Variants in KCTD1 observed in about 807,000 individuals in gnomAD.
KCTD1 encodes potassium channel tetramerization domain containing 1.
KCTD1 carries 24 observed loss-of-function variants against 66.0 expected under a neutral mutation model. The ratio of observed to expected loss-of-function variants is 0.36; its 90% CI spans 0.26 to 0.51. The LOEUF (loss-of-function observed/expected upper bound fraction) is 0.51. Ranked by LOEUF, KCTD1 falls within the 20% of genes least tolerant of loss-of-function variation. The probability of loss-of-function intolerance (pLI) is 0.95; values close to 1 mark genes in which losing one functional copy is unlikely to be tolerated. For missense variants in KCTD1, 943 were observed against 1,205.2 expected (o/e 0.78, Z 3.22); for synonymous variants, 511 against 517.2 (o/e 0.99, Z 0.16).
At chr18:26,557,710 C>T (rs565815820) in intron 1 of KCTD1, among the ~76,000 whole-genome samples, 3 of 151,734 alleles carry the variant, frequency 2.0e-5, no homozygotes, top group Admixed American at 2.0e-4. Context: ...CTCTAGCAAT[C>T]ATTCTGGGGC....
intron 2 of KCTD1, among the ~76,000 whole-genome samples, chr18:26,488,944 C>T (rs1982053084): frequency 6.6e-6 from 1 of 152,184 alleles, no homozygotes; most frequent in African/African-American, 2.4e-5. Flanking sequence ...AAAACATTTT[C>T]ATTTGCAAAT....
intron 1 of KCTD1, among the ~76,000 whole-genome samples, chr18:26,571,603 G>A (rs1567997270): frequency 6.6e-6 from 1 of 151,116 alleles, no homozygotes. Context: ...TTGTTTTTGT[G>A]TTATTTTAAT....
At chr18:26,486,503 C>T (rs11875684) in intron 2 of KCTD1, among the ~76,000 whole-genome samples, 3,018 of 152,300 alleles carry the variant, frequency 0.02, 87 homozygotes, top group African/African-American at 0.068. Context: ...TGAACCTAAT[C>T]TGTGTTGGAA....
chr18:26,546,819 T>A lies in KCTD1; in HGVS notation c.1718A>T (p.His573Leu). The change falls in exon 1 of 5, where the codon CAC (histidine) becomes CTC (leucine). Residue 573 changes from histidine (H) to leucine (L), a missense_variant. His to Leu is a moderately conservative substitution (Grantham distance 99). Around this residue, in one of 10 missense-constraint regions of KCTD1, gnomAD observed 197 missense variants for 182.7 expected, o/e 1.08. Coordinates refer to ENST00000580059, the MANE Select transcript of KCTD1 (RefSeq NM_001142730.3). ...TTCTGGAAGAAGAGGCAGGGGGTCG[T>A]GTTTCACGGAAACCACCACCACCGC... ...VDAVVVVSVK[H>L]DPLPLLPEAN... 1 of 1,538,818 alleles carries A rather than the reference T, an allele frequency of 6.5e-7. No individual in the cohort carries two copies. The highest frequency in any genetic ancestry group is 8.8e-7 in the Non-Finnish European group (1 of 1,142,136).
intron 2 of KCTD1, among the ~76,000 whole-genome samples, chr18:26,491,103 T>A (rs556137074): frequency 6.6e-6 from 1 of 152,018 alleles, no homozygotes; most frequent in Non-Finnish European, 1.5e-5. Context: ...CCTGGATTGG[T>A]GTGTGAGTGT....
chr18:26,505,914 C>G (rs1471840513), intron 1 of KCTD1, among the ~76,000 whole-genome samples: 1 of 151,792 alleles, frequency 6.6e-6, no homozygotes, highest in Non-Finnish European at 1.5e-5. Flanking sequence ...TCACCTCTGT[C>G]ACTCAGGCTG....
At chr18:26,643,855 G>A (rs774941077), upstream of KCTD1, among the ~76,000 whole-genome samples, 22 of 152,098 alleles carry the variant, frequency 1.4e-4, no homozygotes, top group Non-Finnish European at 3.1e-4. Context: ...CCAGCTACTC[G>A]GGAGGCTGAG....
chr18:26,473,415 TA>T (rs139981275), intron 3 of KCTD1, among the ~76,000 whole-genome samples: 4,628 of 152,056 alleles, frequency 0.03, 244 homozygotes, highest in African/African-American at 0.11. Flanking sequence ...GTAGCAGGGA[TA>T]GGGGGAGGGA....
intron 3 of KCTD1, among the ~76,000 whole-genome samples, chr18:26,469,365 C>T (rs999941147): frequency 6.6e-6 from 1 of 152,220 alleles, no homozygotes; most frequent in South Asian, 2.1e-4. Flanking sequence ...AAACTGGCCA[C>T]AGTTGAACTC....
At chr18:26,480,987 A>C (rs1191384717) in intron 2 of KCTD1, among the ~76,000 whole-genome samples, 1 of 152,234 alleles carries the variant, frequency 6.6e-6, no homozygotes, top group Non-Finnish European at 1.5e-5. Flanking sequence ...TGAATCATTC[A>C]TTAAGAATTT....
At position 26,459,378 on chromosome 18, in the gene KCTD1, C is replaced by T. The variant is rs1309720777; in HGVS notation, c.2439+242G>A. Reference sequence around the variant, plus strand: ...GGCTGGGACTATAGGCGTGTGCCACCGTGCCCAGCTGTCGTGTTCTATATC... The same window carrying T: ...GGCTGGGACTATAGGCGTGTGCCACTGTGCCCAGCTGTCGTGTTCTATATC... On this transcript the variant is annotated intron_variant, in intron 4 of 4. Transcript: ENST00000580059. The T allele has an allele frequency of 2.8e-5, 13 of 457,952 alleles. No individual in the cohort carries two copies. The South Asian group carries it at 3.4e-4, about 12-fold the overall frequency. The allele number at this position is 457,952 out of a possible 1,614,324, so 28.4% of individuals were successfully genotyped here.
At chr18:26,554,650 G>A (rs1174686038) in intron 1 of KCTD1, among the ~76,000 whole-genome samples, 5 of 152,172 alleles carry the variant, frequency 3.3e-5, no homozygotes, top group African/African-American at 9.7e-5. Context: ...CAAAAAACAG[G>A]CAGAGTAAAC....
intron 1 of KCTD1, among the ~76,000 whole-genome samples, chr18:26,646,980 T>A (rs1419712097): frequency 1.3e-5 from 2 of 152,210 alleles, no homozygotes; most frequent in South Asian, 2.1e-4. Context: ...TGGCTCACCT[T>A]GCAGCAATAT....
At chr18:26,594,900 G>C (rs1473586671) in intron 1 of KCTD1, among the ~76,000 whole-genome samples, 2 of 152,102 alleles carry the variant, frequency 1.3e-5, no homozygotes, top group African/African-American at 4.8e-5. Flanking sequence ...CCACCTGCCA[G>C]ACCTGCAGAT....
At chr18:26,516,955 A>C (rs1983682057) in intron 1 of KCTD1, among the ~76,000 whole-genome samples, 2 of 152,230 alleles carry the variant, frequency 1.3e-5, no homozygotes, top group East Asian at 3.8e-4. Flanking sequence ...CAAGTAAAGG[A>C]AAATCAAACA....
At chr18:26,560,465 T>C (rs1397787024) in intron 1 of KCTD1, among the ~76,000 whole-genome samples, 1 of 152,206 alleles carries the variant, frequency 6.6e-6, no homozygotes, top group Non-Finnish European at 1.5e-5. Context: ...CAAAAAATAC[T>C]GATACCCAGA....
intron 1 of KCTD1, chr18:26,545,696 C>G (rs1028921371): frequency 6.6e-6 from 1 of 151,870 alleles, no homozygotes; most frequent in East Asian, 1.9e-4. Flanking sequence ...GTCCAAAGAC[C>G]CCTGGTTTCT....
At chr18:26,647,635 G>A (rs1007642997) in intron 1 of KCTD1, among the ~76,000 whole-genome samples, 11 of 150,414 alleles carry the variant, frequency 7.3e-5, no homozygotes, top group African/African-American at 1.5e-4. Context: ...GCATTAAGTA[G>A]GGTCCAAAGT....
At chr18:26,557,561 T>C (rs1985736106) in intron 1 of KCTD1, among the ~76,000 whole-genome samples, 2 of 152,234 alleles carry the variant, frequency 1.3e-5, no homozygotes, top group African/African-American at 4.8e-5. Context: ...ACTTCAGAGA[T>C]TCTGATTTAG....
Sources: gnomAD v4.1 joint callset for allele counts (sites outside exome capture counted in the v4.1 genomes callset) on GRCh38, gnomAD v4.1.1 for gene constraint, gnomAD v4.1.1 regional missense constraint, MANE v1.5 for transcripts, NCBI Gene and HGNC (gene_info 2026-07-23, HGNC 2026-07-21) for gene names.